NRXN1: variants seen among roughly 807,000 people sequenced by gnomAD.
NRXN1 encodes neurexin-1.
A neutral mutation model predicts 150.9 loss-of-function variants in NRXN1; 39 were observed. That is an observed-to-expected ratio of 0.26 (90% CI 0.20 to 0.34). The LOEUF (loss-of-function observed/expected upper bound fraction) is 0.34. Among genes scored for constraint, NRXN1 ranks in the 10% least tolerant of loss-of-function variants. NRXN1 has a pLI of 1.00. For missense variants in NRXN1, 1,815 were observed against 1,949.9 expected (o/e 0.93, Z 1.30); for synonymous variants, 924 against 757.0 (o/e 1.22, Z -3.62).
At chr2:50,227,399 C>A (rs988879998) in intron 18 of NRXN1, among the ~76,000 whole-genome samples, 1 of 151,960 alleles carries the variant, frequency 6.6e-6, no homozygotes, top group African/African-American at 2.4e-5. Flanking sequence ...CTCTGACCAG[C>A]CTTGCTACCA....
chr2:50,904,238 A>T (rs1042005699), intron 5 of NRXN1, among the ~76,000 whole-genome samples: 4 of 152,184 alleles, frequency 2.6e-5, no homozygotes, highest in African/African-American at 9.6e-5. Flanking sequence ...TGGCCAGGCC[A>T]GAATACTAGA....
Position 50,782,827 on chromosome 2 carries a change from A to C in NRXN1, c.832+139042T>G, listed in dbSNP as rs555719990. On this transcript the variant is annotated intron_variant, in intron 5 of 22. Transcript: ENST00000401669. ...AGATTCTGAAGTAGATGGAAAATGC[A>C]TACTTGAAGAAAAGGTGGTGAACAA... 1.7e-4 allele frequency among the ~76,000 whole-genome samples: 26 copies of C among 152,140 alleles called. 1 individual carries two copies. Among genetic ancestry groups the C allele is most frequent in the Non-Finnish European group, 1.8e-4 (12 of 68,032 alleles).
At chr2:50,529,402 C>A (rs1223707090) in intron 11 of NRXN1, among the ~76,000 whole-genome samples, 1 of 152,152 alleles carries the variant, frequency 6.6e-6, no homozygotes, top group Non-Finnish European at 1.5e-5. Context: ...TCTTGATTTT[C>A]CCTTTCTTAT....
rs76642247 is a variant in NRXN1, at chr2:50,652,099, T to A, written c.833-28484A>T. Among the ~76,000 whole-genome samples, 5 of 152,118 alleles carry A rather than the reference T, an allele frequency of 3.3e-5. No individual in the cohort carries two copies. In the South Asian group the frequency reaches 1.0e-3, roughly 31 times the overall value. ...GAGAGGTAGCATCAAAGGTTTGTTATGTTTCCATTTTACTTTTTCACACAC... is the reference window on the plus strand; with the variant it reads ...GAGAGGTAGCATCAAAGGTTTGTTAAGTTTCCATTTTACTTTTTCACACAC... On this transcript the variant is annotated intron_variant, in intron 5 of 22. Coordinates refer to ENST00000401669, the MANE Select transcript of NRXN1 (RefSeq NM_001330078.2).
chr2:50,719,362 A>G (rs1574231508), intron 5 of NRXN1, among the ~76,000 whole-genome samples: 2 of 152,210 alleles, frequency 1.3e-5, no homozygotes, highest in Non-Finnish European at 2.9e-5. Flanking sequence ...TTCAAAATAA[A>G]TATCTTATTT....
At chr2:50,808,389 A>G (rs1446483169) in intron 5 of NRXN1, among the ~76,000 whole-genome samples, 1 of 152,090 alleles carries the variant, frequency 6.6e-6, no homozygotes, top group Non-Finnish European at 1.5e-5. Context: ...CATCATTGTT[A>G]ATTTTGAGTT....
chr2:50,347,219 C>T lies in NRXN1; in HGVS notation c.3365-110249G>A. 2 of 1,337,476 alleles carry T rather than the reference C, an allele frequency of 1.5e-6. No homozygotes were observed. The highest frequency in any genetic ancestry group is 2.0e-6 in the Non-Finnish European group (2 of 1,021,404). The allele number at this position is 1,337,476 out of a possible 1,614,324, so 82.9% of individuals were successfully genotyped here. A position where few individuals can be genotyped will look rare whatever the true frequency, so the allele number is the denominator to read the frequency against. On this transcript the variant is annotated intron_variant, in intron 17 of 22. Coordinates refer to ENST00000401669, the MANE Select transcript of NRXN1 (RefSeq NM_001330078.2). The surrounding 1 kb of genome is among the most constrained non-coding windows in gnomAD (Gnocchi z 4.9). The stretch of plus-strand genomic sequence containing the variant: ...GAAAGGCAGCCCCGGGAACAGCAAG[C>T]GCGGAGCGGGTGGCTGCTCCCAGAT...
intron 17 of NRXN1, among the ~76,000 whole-genome samples, chr2:50,463,577 C>T (rs1405513542): frequency 1.3e-5 from 2 of 151,776 alleles, no homozygotes; most frequent in African/African-American, 4.8e-5. Context: ...TCATTGTCAT[C>T]ACCAGTACTA....
At chr2:50,073,018 A>T (rs939041463) in intron 19 of NRXN1, among the ~76,000 whole-genome samples, 7 of 152,124 alleles carry the variant, frequency 4.6e-5, no homozygotes, top group African/African-American at 1.7e-4. Flanking sequence ...GAGTGGACAA[A>T]CTTTGTCTAT....
At chr2:50,922,189 A>G (rs907667984) in intron 4 of NRXN1, among the ~76,000 whole-genome samples, 1 of 151,836 alleles carries the variant, frequency 6.6e-6, no homozygotes, top group East Asian at 2.0e-4. Context: ...TCTGTGGAAC[A>G]CTATACTCAG....
At chr2:50,588,794 C>T (rs1673597639) in intron 8 of NRXN1, 1 of 152,116 alleles carries the variant, frequency 6.6e-6, no homozygotes, top group Admixed American at 6.6e-5. Flanking sequence ...TTTGATGTTA[C>T]TTCTGTGAAG....
chr2:50,284,308 C>G (rs1207418023), intron 17 of NRXN1, among the ~76,000 whole-genome samples: 1 of 152,212 alleles, frequency 6.6e-6, no homozygotes, highest in African/African-American at 2.4e-5. Flanking sequence ...CATCCCTTCT[C>G]CTCCCTTTGC....
At chr2:50,479,513 CATT>C (rs2104769305) in intron 15 of NRXN1, among the ~76,000 whole-genome samples, 1 of 152,264 alleles carries the variant, frequency 6.6e-6, no homozygotes, top group South Asian at 2.1e-4. Context: ...TTAGTTTATA[CATT>C]ATTTGAAGGA....
chr2:50,916,041 C>T (rs752432993), intron 5 of NRXN1, among the ~76,000 whole-genome samples: 8 of 143,124 alleles, frequency 5.6e-5, no homozygotes, highest in South Asian at 2.3e-4. Context: ...TGAGAGACAC[C>T]GGCATTCTAG....
intron 5 of NRXN1, among the ~76,000 whole-genome samples, chr2:50,721,022 T>C (rs1696572942): frequency 6.6e-6 from 1 of 152,180 alleles, no homozygotes; most frequent in Non-Finnish European, 1.5e-5. Context: ...TCCTTGTTCA[T>C]CTTTGAACCT....
intron 5 of NRXN1, among the ~76,000 whole-genome samples, chr2:50,671,589 T>G (rs750674705): frequency 6.6e-6 from 1 of 151,774 alleles, no homozygotes; most frequent in Non-Finnish European, 1.5e-5. Flanking sequence ...AAATATATAC[T>G]ATTGATAGGA....
intron 17 of NRXN1, among the ~76,000 whole-genome samples, chr2:50,450,993 C>A (rs563212254): frequency 6.6e-6 from 1 of 152,120 alleles, no homozygotes; most frequent in East Asian, 1.9e-4. Flanking sequence ...ATTTTGTTGT[C>A]GTTTGAGTCA....
intron 22 of NRXN1, among the ~76,000 whole-genome samples, chr2:49,940,429 GTTATA>G (rs1438205050): frequency 7.2e-5 from 11 of 152,158 alleles, no homozygotes; most frequent in African/African-American, 2.6e-4. Context: ...TACAATTATT[GTTATA>G]TTATTTTATG....
chr2:50,049,586 A>G (rs1423517496), intron 21 of NRXN1, among the ~76,000 whole-genome samples: 3 of 152,154 alleles, frequency 2.0e-5, no homozygotes, highest in Non-Finnish European at 4.4e-5. Flanking sequence ...TTCTCGAAGG[A>G]AAGAACAAAA....
Sources: allele counts gnomAD v4.1 joint callset (sites outside exome capture counted in the v4.1 genomes callset), GRCh38; gene constraint gnomAD v4.1.1; non-coding constraint Gnocchi (gnomAD v3.1); transcripts MANE v1.5; gene names NCBI Gene and HGNC (gene_info 2026-07-23, HGNC 2026-07-21).